Variants in CCDC180 observed in about 807,000 individuals in gnomAD.
The protein encoded by CCDC180 is coiled-coil domain-containing protein 180.
A neutral mutation model predicts 209.2 loss-of-function variants in CCDC180; 154 were observed. That is an observed-to-expected ratio of 0.74 (90% CI 0.65 to 0.84). The LOEUF is 0.84. CCDC180 is among the 40% of genes least tolerant of loss of function. The pLI is 0.00. For synonymous variants in CCDC180, 778 were observed against 749.1 expected (o/e 1.04, Z -0.63); for missense variants, 1,874 against 1,997.3 (o/e 0.94, Z 1.18).
chr9:97,361,669 C>T (rs1461837931), intron 26 of CCDC180, 57 bp from the exon 27 acceptor site: 2 of 1,571,114 alleles, frequency 1.3e-6, no homozygotes, highest in African/African-American at 2.7e-5. Flanking sequence ...CGGCCTGCTG[C>T]CTCGCTGGCA....
intron 16 of CCDC180, among the ~76,000 whole-genome samples, chr9:97,329,229 T>G (rs1825654836): frequency 6.6e-6 from 1 of 152,218 alleles, no homozygotes; most frequent in Non-Finnish European, 1.5e-5. Flanking sequence ...TTGAGATCAT[T>G]TGGATCACCT....
At position 97,354,698 on chromosome 9, in the gene CCDC180, T is replaced by G. The variant is rs749560720; in HGVS notation, c.3132T>G (p.Asn1044Lys). The change falls in exon 23 of 37, where the codon AAT becomes AAG. Residue 1044 changes from asparagine (N) to lysine (K), a missense_variant. Coordinates refer to ENST00000529487, the MANE Select transcript of CCDC180 (RefSeq NM_020893.6). Reference protein sequence around the residue: ...VIMLNMEKLENEYLDQANDVI... With the variant: ...VIMLNMEKLEKEYLDQANDVI... ...TGCTCAACATGGAGAAGTTGGAGAA[T>G]GAGTACCTGGACCAGGTAGGGCCCC... 1.9e-6 allele frequency: 3 copies of G among 1,614,202 alleles called. No individual in the cohort carries two copies. Among genetic ancestry groups the G allele is most frequent in the Non-Finnish European group, 2.5e-6 (3 of 1,180,044 alleles).
intron 34 of CCDC180, chr9:97,373,202 GT>G (rs1211627901): frequency 6.6e-6 from 1 of 152,176 alleles, no homozygotes; most frequent in Non-Finnish European, 1.5e-5. Context: ...ATGAAGTGAT[GT>G]TTACATTTTT....
chr9:97,364,212 A>T, intron 29 of CCDC180, 84 bp downstream of exon 29: 1 of 1,329,270 alleles, frequency 7.5e-7, no homozygotes, highest in Non-Finnish European at 1.1e-6. Context: ...CTGAGGGGAA[A>T]AATCAGAAAG....
intron 31 of CCDC180, among the ~76,000 whole-genome samples, chr9:97,368,875 A>C (rs1477772869): frequency 6.6e-6 from 1 of 152,228 alleles, no homozygotes; most frequent in Non-Finnish European, 1.5e-5. Context: ...AGGAAACAAA[A>C]TGCCTTGAGC....
In CCDC180 at chr9:97,370,051, A is replaced by G; in HGVS notation, c.4319A>G (p.Glu1440Gly). Residue 1440 changes from glutamate (E) to glycine (G), a missense_variant, in exon 32 of 37, where the codon GAG (glutamate) becomes GGG (glycine). By Grantham distance (98) the Glu-to-Gly change is moderately conservative. Transcript: ENST00000529487. The part of the protein sequence containing the change: ...TSVKEIRGQF[E>G]EQQKRLEKRK... ...GTGAAGGAGATCCGAGGACAGTTCG[A>G]GGAACAGCAGAAGCGGCTGGAGAAA... 2 of 1,614,152 alleles carry G rather than the reference A, an allele frequency of 1.2e-6. No individual in the cohort carries two copies. Among genetic ancestry groups the G allele is most frequent in the Non-Finnish European group, 1.7e-6 (2 of 1,180,004 alleles).
chr9:97,325,775 CATA>C (rs1349713563), intron 14 of CCDC180, among the ~76,000 whole-genome samples: 1 of 152,236 alleles, frequency 6.6e-6, no homozygotes, highest in Non-Finnish European at 1.5e-5. Flanking sequence ...GGCATGGCTT[CATA>C]GCCCCAGTGC....
chr9:97,369,351 A>G (rs1466376204), intron 31 of CCDC180: 1 of 152,306 alleles, frequency 6.6e-6, no homozygotes, highest in African/African-American at 2.4e-5. Context: ...GACACAGTGC[A>G]TTTTAAATGA....
intron 12 of CCDC180, among the ~76,000 whole-genome samples, chr9:97,323,131 G>A (rs1295074685): frequency 1.3e-5 from 2 of 151,924 alleles, no homozygotes; most frequent in South Asian, 2.1e-4. Context: ...TGGTCTCTGG[G>A]CATTCTGAAG....
rs528550341 is a variant in CCDC180 at position 97,308,676 on chromosome 9, TAAAAG to T, written c.69+548_69+552del. 1.8e-3 allele frequency among the ~76,000 whole-genome samples: 273 copies of T among 152,344 alleles called. 1 individual carries two copies. Among genetic ancestry groups the T allele is most frequent in the African/African-American group, 5.6e-3 (234 of 41,584 alleles). ...GCACTGTATAGACAAAACAAGATCTTAAAAGAAACACACAGACCCAAATTCTTCCT... is the reference window on the plus strand; with the variant it reads ...GCACTGTATAGACAAAACAAGATCTTAAACACACAGACCCAAATTCTTCCT... On this transcript the variant is annotated intron_variant, in intron 2 of 36. Coordinates refer to ENST00000529487, the MANE Select transcript of CCDC180 (RefSeq NM_020893.6).
At chr9:97,376,471 C>A in intron 36 of CCDC180, 1 of 287,410 alleles carries the variant, frequency 3.5e-6, no homozygotes, top group Middle Eastern at 1.2e-3. Context: ...TGGGACAGAG[C>A]TCAGGAAGGA....
chr9:97,373,814 G>A (rs1443713730), intron 34 of CCDC180: 2 of 152,188 alleles, frequency 1.3e-5, no homozygotes, highest in East Asian at 3.8e-4. Flanking sequence ...CTCTATCAGA[G>A]GTCTCTGTCA....
chr9:97,352,272 G>A (rs892617234), intron 22 of CCDC180, among the ~76,000 whole-genome samples: 15 of 152,188 alleles, frequency 9.9e-5, no homozygotes, highest in South Asian at 4.1e-4. Flanking sequence ...CTCTTCATAC[G>A]AGAGTGAGAA....
At position 97,349,290 on chromosome 9, in the gene CCDC180, A is replaced by G. The variant is rs773572984; in HGVS notation, c.2854A>G (p.Lys952Glu). The change falls in exon 21 of 37, where the codon AAG becomes GAG. Residue 952 changes from lysine (K) to glutamate (E), a missense_variant and splice_region_variant. Physicochemically the swap from Lys to Glu is moderately conservative, Grantham distance 56. Transcript: ENST00000529487. ...CTTCTTGAATGCCACCAGGAGCCAA[A>G]AGTAAGGGGTCCTGGGAGTCTCCAC... Reference protein sequence around the residue: ...HIFLNATRSQKLVTLSNTLHQ... With the variant: ...HIFLNATRSQELVTLSNTLHQ... 19 of 1,536,346 alleles carry G rather than the reference A, an allele frequency of 1.2e-5. No individual in the cohort carries two copies. In the South Asian group the frequency reaches 2.3e-4, roughly 18 times the overall value.
chr9:97,350,826 C>A (rs1826402653), intron 22 of CCDC180, among the ~76,000 whole-genome samples: 1 of 152,158 alleles, frequency 6.6e-6, no homozygotes, highest in Non-Finnish European at 1.5e-5. Flanking sequence ...TTCCCCATGG[C>A]CCCTGGCAAC....
chr9:97,319,474 T>G (rs1833286133), intron 10 of CCDC180, among the ~76,000 whole-genome samples: 1 of 152,152 alleles, frequency 6.6e-6, no homozygotes, highest in African/African-American at 2.4e-5. Context: ...TTCTCCATCC[T>G]CTCCCTCCTT....
Position 97,358,528 on chromosome 9 carries a change from TG to T in CCDC180, c.3363+805del, listed in dbSNP as rs562408628. ...GAGAGCGTGGTTCCAAGCGTTCGCC[TG>T]GCTCTGATCCTCAGAGCAGGTCTCT... On this transcript the variant is annotated intron_variant, in intron 25 of 36. Transcript: ENST00000529487. Among the ~76,000 whole-genome samples, 608 of 152,298 alleles carry T rather than the reference TG, an allele frequency of 4.0e-3. 6 individuals are homozygous for T. Among genetic ancestry groups the T allele is most frequent in the African/African-American group, 0.014 (584 of 41,564 alleles).
intron 9 of CCDC180, 93 bp from the exon 10 acceptor site, chr9:97,318,370 C>G: frequency 6.8e-7 from 1 of 1,462,680 alleles, no homozygotes; most frequent in Non-Finnish European, 9.2e-7. Context: ...AGTGCTGAGG[C>G]TCTGAATGCT....
intron 21 of CCDC180, among the ~76,000 whole-genome samples, chr9:97,349,997 C>G (rs1826376878): frequency 1.3e-5 from 2 of 152,152 alleles, no homozygotes; most frequent in African/African-American, 4.8e-5. Flanking sequence ...TTGATGTGCT[C>G]TGATCCAGCA....
Sources: gnomAD v4.1 joint callset for allele counts (sites outside exome capture counted in the v4.1 genomes callset) on GRCh38, gnomAD v4.1.1 for gene constraint, MANE v1.5 for transcripts, NCBI Gene and HGNC (gene_info 2026-07-23, HGNC 2026-07-21) for gene names.